The following PLD5 variants were observed in gnomAD, a reference collection of about 807,000 sequenced individuals.
PLD5 encodes the protein inactive phospholipase D5.
A neutral mutation model predicts 61.1 loss-of-function variants in PLD5; 36 were observed. The ratio of observed to expected loss-of-function variants is 0.59; its 90% CI spans 0.45 to 0.78. PLD5 has a LOEUF of 0.78. PLD5 is among the 30% of genes least tolerant of loss of function. The pLI is 0.00. For missense variants in PLD5, 515 were observed against 644.4 expected (o/e 0.80, Z 2.17); for synonymous variants, 243 against 242.8 (o/e 1.00, Z -0.01).
chr1:242,136,579 AT>A (rs761789023), intron 5 of PLD5, among the ~76,000 whole-genome samples: 1 of 152,058 alleles, frequency 6.6e-6, no homozygotes, highest in African/African-American at 2.4e-5. Context: ...CCTTTTGTTA[AT>A]TTCTAGAGCT....
At chr1:242,501,370 C>T (rs1196561902) in intron 1 of PLD5, among the ~76,000 whole-genome samples, 1 of 152,190 alleles carries the variant, frequency 6.6e-6, no homozygotes, top group African/African-American at 2.4e-5. Flanking sequence ...ACACACTTCT[C>T]CTCTGTAATA....
At chr1:242,207,896 TTATATATTTATATATATTTATATATTTA>T (rs1669502959) in intron 5 of PLD5, among the ~76,000 whole-genome samples, 1 of 7,632 alleles carries the variant, frequency 1.3e-4, no homozygotes, top group South Asian at 6.3e-3. Context: ...TTATATATAT[TTATATATTTATATATATTTATATATTTA>T]TATATATTTA....
At chr1:242,108,861 A>G (rs564056963) in intron 7 of PLD5, among the ~76,000 whole-genome samples, 42 of 152,266 alleles carry the variant, frequency 2.8e-4, no homozygotes, top group African/African-American at 9.6e-4. Flanking sequence ...TTTTCATCAC[A>G]TGCAGGCTGC....
intron 1 of PLD5, among the ~76,000 whole-genome samples, chr1:242,438,321 C>T (rs897026120): frequency 6.0e-5 from 9 of 149,660 alleles, no homozygotes; most frequent in African/African-American, 9.8e-5. Flanking sequence ...TGGAGTGCAG[C>T]GGTGCAATCT....
intron 4 of PLD5, among the ~76,000 whole-genome samples, chr1:242,259,431 C>T (rs1408945512): frequency 2.6e-5 from 4 of 152,100 alleles, no homozygotes; most frequent in African/African-American, 9.7e-5. Context: ...TTTTGAGAAA[C>T]ACAGCCCTGA....
chr1:242,091,440 T>C (rs909173828), intron 9 of PLD5, among the ~76,000 whole-genome samples: 1 of 152,178 alleles, frequency 6.6e-6, no homozygotes, highest in Non-Finnish European at 1.5e-5. Context: ...TAACAAGGCA[T>C]GTTCCTTGCC....
chr1:242,321,373 G>A (rs1303568515), intron 2 of PLD5, among the ~76,000 whole-genome samples: 2 of 150,484 alleles, frequency 1.3e-5, no homozygotes, highest in Admixed American at 6.6e-5. Context: ...GCATGATCTC[G>A]GCTCACTGCA....
At chr1:242,124,053 C>G (rs896293477) in intron 6 of PLD5, among the ~76,000 whole-genome samples, 1 of 152,192 alleles carries the variant, frequency 6.6e-6, no homozygotes, top group Admixed American at 6.5e-5. Context: ...CTGATAAAAA[C>G]AAGTCTGAAA....
chr1:242,348,737 T>G (rs983162980), intron 1 of PLD5, among the ~76,000 whole-genome samples: 22 of 152,154 alleles, frequency 1.4e-4, no homozygotes, highest in Admixed American at 3.3e-4. Flanking sequence ...AACTTGGTTT[T>G]ATACATTTTA....
At chr1:242,467,621 T>A (rs1667317472) in intron 1 of PLD5, among the ~76,000 whole-genome samples, 1 of 152,202 alleles carries the variant, frequency 6.6e-6, no homozygotes, top group African/African-American at 2.4e-5. Flanking sequence ...TACAGAAATA[T>A]GATCTTCTTC....
intron 7 of PLD5, among the ~76,000 whole-genome samples, chr1:242,110,305 T>G (rs758651605): frequency 3.5e-4 from 53 of 151,934 alleles, no homozygotes; most frequent in Non-Finnish European, 4.9e-4. Flanking sequence ...ACAGGAAAGC[T>G]TTTTGTTTTA....
At chr1:242,247,447 C>A (rs1467902856) in intron 4 of PLD5, among the ~76,000 whole-genome samples, 1 of 152,180 alleles carries the variant, frequency 6.6e-6, no homozygotes, top group Non-Finnish European at 1.5e-5. Context: ...TACAAAAAAC[C>A]CATTTAATGA....
chr1:242,133,967 C>T (rs1273097590), intron 5 of PLD5, among the ~76,000 whole-genome samples: 4 of 152,166 alleles, frequency 2.6e-5, no homozygotes, highest in African/African-American at 4.8e-5. Flanking sequence ...CATCGTGGCT[C>T]CTCCTGACCT....
Position 242,089,109 on chromosome 1 carries a change from GA to G in PLD5, c.*744del, listed in dbSNP as rs34713312. On this transcript the variant is annotated 3_prime_UTR_variant, in exon 10 of 10. Transcript: ENST00000536534. The stretch of plus-strand genomic sequence containing the variant: ...TTTTTTAAATACCAATTCGGTAGGG[GA>G]AAAAAGGATTCAGTTGAAAGGTGAA... The G allele has an allele frequency of 7.8e-6, 3 of 385,548 alleles. No individual in the cohort carries two copies. Among genetic ancestry groups the G allele is most frequent in the Admixed American group, 4.5e-5 (1 of 22,312 alleles). 23.9% of individuals were successfully genotyped at this position (385,548 alleles called of 1,614,324 possible).
At chr1:242,297,057 TC>T (rs1675700094) in intron 2 of PLD5, among the ~76,000 whole-genome samples, 2 of 151,928 alleles carry the variant, frequency 1.3e-5, no homozygotes, top group African/African-American at 2.4e-5. Flanking sequence ...AAGAAAAACT[TC>T]CCCCTGGCTG....
intron 1 of PLD5, among the ~76,000 whole-genome samples, chr1:242,355,183 G>T (rs1660690606): frequency 1.3e-5 from 2 of 152,176 alleles, no homozygotes; most frequent in South Asian, 4.1e-4. Flanking sequence ...TTTTAGAAAA[G>T]TCAGTGGGGA....
intron 5 of PLD5, among the ~76,000 whole-genome samples, chr1:242,182,872 AT>A (rs1329756912): frequency 6.6e-6 from 1 of 152,164 alleles, no homozygotes; most frequent in African/African-American, 2.4e-5. Context: ...ATAAATAAAA[AT>A]AAAAAAGCCA....
intron 8 of PLD5, among the ~76,000 whole-genome samples, chr1:242,105,929 T>C (rs1661021049): frequency 6.6e-6 from 1 of 152,210 alleles, no homozygotes; most frequent in Non-Finnish European, 1.5e-5. Flanking sequence ...TAGAAACAAG[T>C]ACATCAGAAC....
Position 242,185,903 on chromosome 1 carries a change from T to C in PLD5, c.735+34085A>G, listed in dbSNP as rs553345901. 9.8e-4 allele frequency among the ~76,000 whole-genome samples: 149 copies of C among 152,232 alleles called. 1 individual carries two copies. Among genetic ancestry groups the C allele is most frequent in the African/African-American group, 3.3e-3 (135 of 41,536 alleles). ...GAAGACCCTACACCCCTGTGGCTTC[T>C]CGATGACTAATGTGGAGCCAGCATC... On this transcript the variant is annotated intron_variant, in intron 5 of 9. Coordinates refer to ENST00000536534, the MANE Select transcript of PLD5 (RefSeq NM_001372062.1).
Sources: gnomAD v4.1 joint callset for allele counts (sites outside exome capture counted in the v4.1 genomes callset) on GRCh38, gnomAD v4.1.1 for gene constraint, MANE v1.5 for transcripts, NCBI Gene and HGNC (gene_info 2026-07-23, HGNC 2026-07-21) for gene names.